The following TRABD2B variants were observed in gnomAD, a reference collection of about 807,000 sequenced individuals.
TRABD2B encodes the protein metalloprotease TIKI2.
TRABD2B carries 14 observed loss-of-function variants against 40.1 expected under a neutral mutation model. That is an observed-to-expected ratio of 0.35 (90% confidence interval 0.23 to 0.55). TRABD2B has a LOEUF of 0.55. TRABD2B is among the 20% of genes least tolerant of loss of function. TRABD2B has a pLI of 0.90. For synonymous variants in TRABD2B, 263 were observed against 277.0 expected, an observed-to-expected ratio of 0.95 and a Z score of 0.50; for missense variants, 541 against 648.6, an observed-to-expected ratio of 0.83 and a Z score of 1.80.
chr1:47,873,986 C>A (rs1024370411), intron 2 of TRABD2B, among the ~76,000 whole-genome samples: 1 of 152,166 alleles, frequency 6.6e-6, no homozygotes, highest in African/African-American at 2.4e-5. Flanking sequence ...AACTTGCTGT[C>A]ACTTGCCTCA....
At chr1:47,930,106 G>A (rs1394807617) in intron 2 of TRABD2B, among the ~76,000 whole-genome samples, 1 of 152,180 alleles carries the variant, frequency 6.6e-6, no homozygotes, top group East Asian at 1.9e-4. Context: ...TGGAGTGGAG[G>A]CTGTGGGGAA....
In TRABD2B at chr1:47,775,196, A is replaced by T. The variant is rs1569891980; in HGVS notation, c.1323T>A (p.Asn441Lys). ...QSTHQRPRQF[N>K]DLWVRIEDST... The stretch of plus-strand genomic sequence containing the variant: ...TGTCCTCGATGCGGACCCAGAGGTC[A>T]TTGAACTGCCGCGGCCGCTGGTGTG... The change falls in exon 6 of 7, where the codon AAT becomes AAA. Residue 441 changes from asparagine to lysine, a missense_variant. Coordinates refer to ENST00000606738, the MANE Select transcript of TRABD2B (RefSeq NM_001194986.2). 1 of 1,239,030 alleles carries T rather than the reference A, an allele frequency of 8.1e-7. No individual in the cohort carries two copies. Among genetic ancestry groups the T allele is most frequent in the Non-Finnish European group, 1.0e-6 (1 of 990,748 alleles). The allele number at this position is 1,239,030 out of a possible 1,614,324, so 76.8% of individuals were successfully genotyped here.
intron 2 of TRABD2B, among the ~76,000 whole-genome samples, chr1:47,957,570 C>A (rs1452559879): frequency 6.6e-6 from 1 of 152,082 alleles, no homozygotes; most frequent in South Asian, 2.1e-4. Context: ...GACGCATGCA[C>A]AAGCTTCAGT....
At chr1:47,812,593 C>A (rs1557586725) in intron 2 of TRABD2B, among the ~76,000 whole-genome samples, 1 of 152,106 alleles carries the variant, frequency 6.6e-6, no homozygotes, top group Non-Finnish European at 1.5e-5. Context: ...CTGTCACGTG[C>A]CTGTAGTCCC....
chr1:47,784,655 G>A (rs1039822361), intron 4 of TRABD2B, among the ~76,000 whole-genome samples: 79 of 152,322 alleles, frequency 5.2e-4, no homozygotes, highest in African/African-American at 1.9e-3. Flanking sequence ...AAGCTATGGC[G>A]GTGTTTTTTT....
chr1:47,850,911 A>T (rs1437024977), intron 2 of TRABD2B, among the ~76,000 whole-genome samples: 1 of 152,134 alleles, frequency 6.6e-6, no homozygotes, highest in Non-Finnish European at 1.5e-5. Context: ...TTAGATTCTC[A>T]TAAGGAGCAC....
At chr1:47,922,634 ATG>A (rs1245843247) in intron 2 of TRABD2B, among the ~76,000 whole-genome samples, 1 of 152,230 alleles carries the variant, frequency 6.6e-6, no homozygotes, top group East Asian at 1.9e-4. Context: ...AGATAATGAT[ATG>A]CACCTTTGAT....
chr1:47,777,646 T>A (rs1213410511), intron 5 of TRABD2B, among the ~76,000 whole-genome samples: 4 of 152,202 alleles, frequency 2.6e-5, no homozygotes, highest in African/African-American at 9.6e-5. Context: ...TAGAGCCTGG[T>A]ACGGAGAGAG....
chr1:47,853,806 T>C (rs1643864269), intron 2 of TRABD2B, among the ~76,000 whole-genome samples: 1 of 152,192 alleles, frequency 6.6e-6, no homozygotes, highest in East Asian at 1.9e-4. Flanking sequence ...ATAACAAGAC[T>C]TCTAACTGGG....
intron 2 of TRABD2B, among the ~76,000 whole-genome samples, chr1:47,898,470 T>C (rs1423545976): frequency 6.6e-6 from 1 of 152,160 alleles, no homozygotes; most frequent in East Asian, 1.9e-4. Flanking sequence ...AGGCCTAGGC[T>C]CTGGAGGGAA....
At chr1:47,978,778 C>T in intron 2 of TRABD2B, among the ~76,000 whole-genome samples, 1 of 152,196 alleles carries the variant, frequency 6.6e-6, no homozygotes, top group Non-Finnish European at 1.5e-5. Context: ...CTCGCTCCTC[C>T]CCGGTGCCCC....
At chr1:47,911,666 C>T (rs1644764856) in intron 2 of TRABD2B, among the ~76,000 whole-genome samples, 1 of 152,222 alleles carries the variant, frequency 6.6e-6, no homozygotes, top group African/African-American at 2.4e-5. Context: ...CTTGTGTCCC[C>T]TATGGAGCCA....
At chr1:47,985,721 A>T (rs1162841043) in intron 2 of TRABD2B, among the ~76,000 whole-genome samples, 2 of 152,270 alleles carry the variant, frequency 1.3e-5, no homozygotes, top group Non-Finnish European at 2.9e-5. Flanking sequence ...GCTAAAAGCC[A>T]ATTACATTGT....
intron 4 of TRABD2B, among the ~76,000 whole-genome samples, chr1:47,793,410 C>T (rs11799546): frequency 0.052 from 7,952 of 152,338 alleles, 475 homozygotes; most frequent in African/African-American, 0.13. Context: ...GGGCGAGGCC[C>T]AGCAGATGTG....
intron 2 of TRABD2B, among the ~76,000 whole-genome samples, chr1:47,977,817 T>A (rs547578796): frequency 6.6e-6 from 1 of 152,008 alleles, no homozygotes; most frequent in South Asian, 2.1e-4. Flanking sequence ...AGAAGTATCA[T>A]CACAGGAAGA....
At chr1:47,885,136 A>G (rs1455434344) in intron 2 of TRABD2B, among the ~76,000 whole-genome samples, 1 of 152,100 alleles carries the variant, frequency 6.6e-6, no homozygotes, top group Admixed American at 6.5e-5. Flanking sequence ...ACCCCTATTA[A>G]CCAAAATTAC....
chr1:47,931,136 G>C (rs1645034794), intron 2 of TRABD2B, among the ~76,000 whole-genome samples: 1 of 152,240 alleles, frequency 6.6e-6, no homozygotes, highest in African/African-American at 2.4e-5. Context: ...ACAAATGGGT[G>C]AAGGAATAAA....
intron 2 of TRABD2B, among the ~76,000 whole-genome samples, chr1:47,986,080 G>A (rs867055582): frequency 6.6e-6 from 1 of 152,208 alleles, no homozygotes; most frequent in South Asian, 2.1e-4. Context: ...GAAAATAAGT[G>A]GAGGGATGCT....
chr1:47,864,533 A>G (rs1644026973), intron 2 of TRABD2B, among the ~76,000 whole-genome samples: 1 of 152,130 alleles, frequency 6.6e-6, no homozygotes, highest in Non-Finnish European at 1.5e-5. Flanking sequence ...AAGGAAAATT[A>G]CTCAGTTTTC....
Sources: gnomAD v4.1 joint callset for allele counts (sites outside exome capture counted in the v4.1 genomes callset) on GRCh38, gnomAD v4.1.1 for gene constraint, MANE v1.5 for transcripts, NCBI Gene and HGNC (gene_info 2026-07-23, HGNC 2026-07-21) for gene names.